The following SUGCT variants were observed in gnomAD, a reference collection of about 807,000 sequenced individuals.
The protein encoded by SUGCT is succinyl-CoA:glutarate CoA-transferase.
Under a neutral mutation model 55.0 loss-of-function variants are expected in SUGCT, and 41 were observed. The ratio of observed to expected loss-of-function variants is 0.74; its 90% CI spans 0.58 to 0.97. The LOEUF is 0.97. Among genes scored for constraint, SUGCT ranks in the 50% least tolerant of loss-of-function variants. The pLI is 0.00. For synonymous variants in SUGCT, 187 were observed against 200.4 expected, an observed-to-expected ratio of 0.93 and a Z score of 0.56; for missense variants, 568 against 547.8, an observed-to-expected ratio of 1.04 and a Z score of -0.37.
intron 9 of SUGCT, among the ~76,000 whole-genome samples, chr7:40,362,255 C>G (rs1189430753): frequency 6.6e-6 from 1 of 152,048 alleles, no homozygotes; most frequent in Non-Finnish European, 1.5e-5. Context: ...CCTGTCTCTA[C>G]TAAAAATACA....
chr7:40,565,999 A>ACG (rs1269037201), intron 12 of SUGCT, among the ~76,000 whole-genome samples: 1 of 145,142 alleles, frequency 6.9e-6, no homozygotes, highest in Non-Finnish European at 1.5e-5. Context: ...ACACGCACAC[A>ACG]CACACACACA....
chr7:40,163,758 G>A (rs1295939673), intron 1 of SUGCT, among the ~76,000 whole-genome samples: 2 of 151,450 alleles, frequency 1.3e-5, no homozygotes, highest in Admixed American at 6.6e-5. Context: ...TTTAAGTGAC[G>A]AAAAAATGAG....
chr7:40,871,674 C>T, the SUGCT span, among the ~76,000 whole-genome samples: 13 of 151,546 alleles, frequency 8.6e-5, no homozygotes, highest in Non-Finnish European at 1.8e-4. Flanking sequence ...GTCCCCCCGC[C>T]CCCACCCCGC....
chr7:40,898,023 T>G, the SUGCT span, among the ~76,000 whole-genome samples: 1 of 152,144 alleles, frequency 6.6e-6, no homozygotes, highest in Non-Finnish European at 1.5e-5. Context: ...GAAAGGTGTG[T>G]TCTTTCGCTT....
intron 12 of SUGCT, among the ~76,000 whole-genome samples, chr7:40,593,310 C>T (rs1797828391): frequency 6.6e-6 from 1 of 152,134 alleles, no homozygotes; most frequent in African/African-American, 2.4e-5. Context: ...CCACACCATC[C>T]CACATGCCCA....
rs576909526 is a variant in SUGCT, at chr7:40,560,137, G to A, written c.1089+63751G>A. The stretch of plus-strand genomic sequence containing the variant: ...TAACACATCTCCCCACTTCCTATGC[G>A]TGGAGTTAACTATGACAAGAAATGA... On this transcript the variant is annotated intron_variant, in intron 12 of 13. Coordinates refer to ENST00000335693, the MANE Select transcript of SUGCT (RefSeq NM_001193313.2). Among the ~76,000 whole-genome samples the A allele has an allele frequency of 7.9e-5, 12 of 152,226 alleles. No homozygotes were observed. In the East Asian group the frequency reaches 1.5e-3, roughly 20 times the overall value.
chr7:40,791,186 TAAAA>T (rs915203669), intron 13 of SUGCT, among the ~76,000 whole-genome samples: 1 of 152,174 alleles, frequency 6.6e-6, no homozygotes, highest in Non-Finnish European at 1.5e-5. Flanking sequence ...CCTTTTCAAT[TAAAA>T]AAATTAAAGT....
intron 6 of SUGCT, among the ~76,000 whole-genome samples, chr7:40,209,674 T>C (rs2150788454): frequency 6.6e-6 from 1 of 152,164 alleles, no homozygotes; most frequent in South Asian, 2.1e-4. Context: ...CGCATGCCTG[T>C]AATCTTAGCT....
intron 12 of SUGCT, among the ~76,000 whole-genome samples, chr7:40,644,652 A>T (rs528291208): frequency 6.6e-6 from 1 of 152,208 alleles, no homozygotes; most frequent in Non-Finnish European, 1.5e-5. Flanking sequence ...TCTGGATTTC[A>T]TCACTCTTAG....
At chr7:40,203,729 C>T (rs959303991) in intron 6 of SUGCT, among the ~76,000 whole-genome samples, 2 of 150,544 alleles carry the variant, frequency 1.3e-5, no homozygotes, top group African/African-American at 2.4e-5. Flanking sequence ...GAGCTGAGAT[C>T]GCACCATTGC....
rs562526917 is a variant in SUGCT at position 40,477,565 on chromosome 7, A to G, written c.986+18367A>G. Among the ~76,000 whole-genome samples, 134 of 152,324 alleles carry G rather than the reference A, an allele frequency of 8.8e-4. 1 individual carries two copies. The highest frequency in any genetic ancestry group is 1.7e-3 in the Non-Finnish European group (113 of 68,030). On this transcript the variant is annotated intron_variant, in intron 11 of 13. Transcript: ENST00000335693. ...TTTCTATCCTATGCCTCTTTTCTGTATACCATTTTCATGTTGGTGTATTAT... is the reference window on the plus strand; with the variant it reads ...TTTCTATCCTATGCCTCTTTTCTGTGTACCATTTTCATGTTGGTGTATTAT...
chr7:40,212,350 G>A (rs1368143176), intron 6 of SUGCT, among the ~76,000 whole-genome samples: 2 of 117,494 alleles, frequency 1.7e-5, no homozygotes, highest in Admixed American at 1.0e-4. Context: ...GCTTGTGCCA[G>A]GAGTTTGAGG....
intron 11 of SUGCT, among the ~76,000 whole-genome samples, chr7:40,483,801 A>G (rs1260070555): frequency 6.6e-6 from 1 of 152,194 alleles, no homozygotes; most frequent in Non-Finnish European, 1.5e-5. Context: ...ATAAATAACC[A>G]TGAGATATAC....
chr7:40,536,670 A>AC (rs1794379883), intron 12 of SUGCT, among the ~76,000 whole-genome samples: 1 of 152,198 alleles, frequency 6.6e-6, no homozygotes, highest in African/African-American at 2.4e-5. Context: ...AAATACAGAG[A>AC]TGAAAGATCT....
intron 13 of SUGCT, among the ~76,000 whole-genome samples, chr7:40,760,807 C>G (rs1176795438): frequency 2.0e-5 from 3 of 151,636 alleles, no homozygotes; most frequent in Non-Finnish European, 4.4e-5. Context: ...GGCTGTCTCA[C>G]GTATTTCAGT....
At position 40,824,514 on chromosome 7, in the gene SUGCT, C is replaced by T. The variant is rs112784734; in HGVS notation, c.1154-35802C>T. 5.8e-3 allele frequency among the ~76,000 whole-genome samples: 885 copies of T among 152,222 alleles called. 8 individuals are homozygous for T. The highest frequency in any genetic ancestry group is 0.02 in the African/African-American group (826 of 41,548). ...GGAAATAAGCAACACAGAGAACATA[C>T]ATGATATAATATGGTATGCATTCGT... On this transcript the variant is annotated intron_variant, in intron 13 of 13. Transcript: ENST00000335693.
rs202125224 is a variant in SUGCT at position 40,245,404 on chromosome 7, C to CATATATATATATATATATATATATAT, written c.576+7698_576+7699insATATATATATATATATATATATATAT. On this transcript the variant is annotated intron_variant, in intron 7 of 13. Transcript: ENST00000335693. Reference sequence around the variant, plus strand: ...TAAATTTTTATAGGTACGTAGTAGACATATATATATATATATATATTTTTT... The same window carrying CATATATATATATATATATATATATAT: ...TAAATTTTTATAGGTACGTAGTAGACATATATATATATATATATATATATATATATATATATATATATATATTTTTT... 2.3e-3 allele frequency among the ~76,000 whole-genome samples: 123 copies of CATATATATATATATATATATATATAT among 53,168 alleles called. 1 individual carries two copies. The highest frequency in any genetic ancestry group is 5.1e-3 in the East Asian group (7 of 1,382). 34.9% of individuals were successfully genotyped at this position (53,168 alleles called of 152,430 possible).
At chr7:40,190,592 T>C (rs1209657776) in intron 5 of SUGCT, among the ~76,000 whole-genome samples, 2 of 152,190 alleles carry the variant, frequency 1.3e-5, no homozygotes, top group African/African-American at 4.8e-5. Flanking sequence ...ATTGAGTTAG[T>C]CTTTGTAAAA....
In SUGCT at chr7:40,525,041, C is replaced by A. The variant is rs562265814; in HGVS notation, c.1089+28655C>A. 1.1e-3 allele frequency among the ~76,000 whole-genome samples: 170 copies of A among 152,230 alleles called. 1 individual carries two copies. Among genetic ancestry groups the A allele is most frequent in the African/African-American group, 3.9e-3 (163 of 41,540 alleles). On this transcript the variant is annotated intron_variant, in intron 12 of 13. Transcript: ENST00000335693. ...TGCTTCTATACAGGTTAAGCAAAGA[C>A]CTTTGTTAAACTGTTAAACATTCAT...
Sources: gnomAD v4.1 joint callset for allele counts (sites outside exome capture counted in the v4.1 genomes callset) on GRCh38, gnomAD v4.1.1 for gene constraint, MANE v1.5 for transcripts, NCBI Gene and HGNC (gene_info 2026-07-23, HGNC 2026-07-21) for gene names.